LPGAT1: variants seen among roughly 807,000 people sequenced by gnomAD.
LPGAT1 encodes acyl-CoA:lysophosphatidylglycerol acyltransferase 1.
Under a neutral mutation model 47.5 loss-of-function variants are expected in LPGAT1, and 11 were observed. The ratio of observed to expected loss-of-function variants is 0.23; its 90% CI spans 0.15 to 0.38. The LOEUF is 0.38. LPGAT1 is among the 10% of genes least tolerant of loss of function. LPGAT1 has a pLI of 1.00. For missense variants in LPGAT1, 293 were observed against 439.0 expected (o/e 0.67, Z 2.97); for synonymous variants, 138 against 144.2 (o/e 0.96, Z 0.31).
chr1:211,791,819 C>A (rs1659131295), intron 3 of LPGAT1, among the ~76,000 whole-genome samples: 1 of 148,210 alleles, frequency 6.7e-6, no homozygotes, highest in South Asian at 2.1e-4. Flanking sequence ...TACCCTTCTT[C>A]TACCTGCCAC....
intron 2 of LPGAT1, among the ~76,000 whole-genome samples, chr1:211,807,271 T>TGCGCAACAAGGGCGAAACTC (rs1553312450): frequency 6.6e-6 from 1 of 151,804 alleles, no homozygotes; most frequent in Non-Finnish European, 1.5e-5. Context: ...TCAAAAAAGC[T>TGCGCAACAAGGGCGAAACTC]CAAAATGAAG....
Position 211,751,066 on chromosome 1 carries a change from T to G in LPGAT1, c.856A>C (p.Ile286Leu). The part of the protein sequence containing the change: ...KPTVTHVHYR[I>L]FPIKDVPLET... ...AGGGGTACATCTTTAATTGGAAAGA[T>G]CCTATTAAGGGTTAGAAGAAAAGAA... Residue 286 changes from isoleucine (I) to leucine (L), a missense_variant and splice_region_variant, in exon 7 of 8, where the codon ATC becomes CTC. By Grantham distance (5) the Ile-to-Leu change is conservative. Transcript: ENST00000366997. The G allele has an allele frequency of 6.3e-7, 1 of 1,598,014 alleles. No individual in the cohort carries two copies. Among genetic ancestry groups the G allele is most frequent in the Non-Finnish European group, 8.6e-7 (1 of 1,165,922 alleles).
At chr1:211,759,025 C>A (rs529326350) in intron 6 of LPGAT1, among the ~76,000 whole-genome samples, 2 of 152,252 alleles carry the variant, frequency 1.3e-5, no homozygotes, top group African/African-American at 2.4e-5. Flanking sequence ...TTTAAACCAA[C>A]CTTTCAATCC....
chr1:211,828,608 T>C (rs1232928616), intron 2 of LPGAT1, among the ~76,000 whole-genome samples: 1 of 152,214 alleles, frequency 6.6e-6, no homozygotes, highest in African/African-American at 2.4e-5. Flanking sequence ...CTCAAAAGGC[T>C]AACAGTACAA....
At chr1:211,755,798 A>T (rs1657420418) in intron 6 of LPGAT1, among the ~76,000 whole-genome samples, 1 of 152,186 alleles carries the variant, frequency 6.6e-6, no homozygotes, top group Non-Finnish European at 1.5e-5. Flanking sequence ...TTACACAGAA[A>T]ATAACTCTCC....
intron 3 of LPGAT1, among the ~76,000 whole-genome samples, chr1:211,791,633 G>C (rs879786250): frequency 6.6e-6 from 1 of 151,878 alleles, no homozygotes; most frequent in Admixed American, 6.6e-5. Context: ...CATAGTCCCA[G>C]CTGCTTGGGA....
intron 2 of LPGAT1, among the ~76,000 whole-genome samples, chr1:211,807,364 G>A (rs1469475278): frequency 2.6e-5 from 4 of 151,626 alleles, no homozygotes; most frequent in Non-Finnish European, 4.4e-5. Flanking sequence ...AATGTAACTC[G>A]AAGCCAGTCA....
In LPGAT1 at chr1:211,747,564, TAGG is replaced by T. The variant is rs1218442881; in HGVS notation, c.*2332_*2334del. ...ATGCATGTTCGCATTTATTTTTGGATAGGAGAACTGGTCACTCTACCCTGTGGC... is the reference window on the plus strand; with the variant it reads ...ATGCATGTTCGCATTTATTTTTGGATAGAACTGGTCACTCTACCCTGTGGC... On this transcript the variant is annotated 3_prime_UTR_variant, in exon 8 of 8. Coordinates refer to ENST00000366997, the MANE Select transcript of LPGAT1 (RefSeq NM_014873.3). 1 of 152,208 alleles carries T rather than the reference TAGG, an allele frequency of 6.6e-6. No individual in the cohort carries two copies. The highest frequency in any genetic ancestry group is 1.9e-4 in the East Asian group (1 of 5,200). 9.4% of individuals were successfully genotyped at this position (152,208 alleles called of 1,614,324 possible). A position where few individuals can be genotyped will look rare whatever the true frequency, so the allele number is the denominator to read the frequency against.
At chr1:211,816,465 A>G (rs1660179756) in intron 2 of LPGAT1, among the ~76,000 whole-genome samples, 2 of 152,174 alleles carry the variant, frequency 1.3e-5, no homozygotes, top group African/African-American at 4.8e-5. Context: ...ATAAAATCTA[A>G]TTAGTTAATA....
At position 211,793,172 on chromosome 1, in the gene LPGAT1, T is replaced by C. The variant is rs772281753; in HGVS notation, c.257A>G (p.Asp86Gly). 1.2e-6 allele frequency: 2 copies of C among 1,609,586 alleles called. No individual in the cohort carries two copies. Among genetic ancestry groups the C allele is most frequent in the South Asian group, 2.2e-5 (2 of 90,538 alleles). ...AGYTVMEWGE[D>G]IKAVSKDEAV... is the part of the protein sequence containing the mutation. The stretch of plus-strand genomic sequence containing the variant: ...TTCATCTTTTGAAACTGCTTTAATA[T>C]CTTCTCCCCATTCCATCACTGTAAG... Residue 86 changes from aspartate (D) to glycine (G), a missense_variant, in exon 3 of 8, where the codon GAT becomes GGT. Physicochemically the swap from Asp to Gly is moderately conservative, Grantham distance 94. Coordinates refer to ENST00000366997, the MANE Select transcript of LPGAT1 (RefSeq NM_014873.3).
chr1:211,772,270 C>A (rs944757124), intron 6 of LPGAT1, among the ~76,000 whole-genome samples: 18 of 152,214 alleles, frequency 1.2e-4, no homozygotes, highest in Admixed American at 2.0e-4. Flanking sequence ...CCTGAACTTT[C>A]TAATCTCTCC....
At chr1:211,760,299 C>A (rs555767869) in intron 6 of LPGAT1, among the ~76,000 whole-genome samples, 1 of 152,072 alleles carries the variant, frequency 6.6e-6, no homozygotes, top group South Asian at 2.1e-4. Flanking sequence ...ACTAAAAATA[C>A]AAAAAATTAG....
intron 2 of LPGAT1, among the ~76,000 whole-genome samples, chr1:211,821,761 T>C (rs2102604375): frequency 6.6e-6 from 1 of 152,258 alleles, no homozygotes; most frequent in Non-Finnish European, 1.5e-5. Context: ...AGAGAATGAA[T>C]GGTTACTATC....
At chr1:211,810,651 C>T (rs1238878323) in intron 2 of LPGAT1, among the ~76,000 whole-genome samples, 1 of 152,098 alleles carries the variant, frequency 6.6e-6, no homozygotes, top group Admixed American at 6.5e-5. Context: ...AAGAAGTTTG[C>T]TCACTTATTG....
intron 4 of LPGAT1, among the ~76,000 whole-genome samples, chr1:211,786,300 T>C (rs980506925): frequency 6.6e-6 from 1 of 152,230 alleles, no homozygotes. Context: ...AACTTAGAAG[T>C]TTCTCTACTC....
intron 4 of LPGAT1, among the ~76,000 whole-genome samples, chr1:211,785,948 T>TA (rs1179591968): frequency 1.3e-5 from 2 of 152,146 alleles, no homozygotes; most frequent in Non-Finnish European, 2.9e-5. Context: ...AATCAACTGT[T>TA]ACACTACACT....
In LPGAT1 at chr1:211,825,185, CTTCTTTTT is replaced by C. The variant is rs1660506109; in HGVS notation, c.238+3866_238+3873del. ...ATTTTTAAAGTATTTCATGCACAGT[CTTCTTTTT>C]TTTTTTTTTTTTTTTTTTTTTGAGA... is the stretch of plus-strand genomic sequence containing the variant. On this transcript the variant is annotated intron_variant, in intron 2 of 7. Coordinates refer to ENST00000366997, the MANE Select transcript of LPGAT1 (RefSeq NM_014873.3). 4.3e-5 allele frequency among the ~76,000 whole-genome samples: 4 copies of C among 93,888 alleles called. No individual in the cohort carries two copies. In the East Asian group the frequency reaches 1.3e-3, roughly 31 times the overall value. The allele number at this position is 93,888 out of a possible 152,430, so 61.6% of individuals were successfully genotyped here.
intron 2 of LPGAT1, among the ~76,000 whole-genome samples, chr1:211,807,894 G>C (rs1659820010): frequency 6.6e-6 from 1 of 151,894 alleles, no homozygotes. Context: ...AATGAACTGG[G>C]GAGTCTCTCT....
In LPGAT1 at chr1:211,744,374, C is replaced by T. The variant is rs1379806285; in HGVS notation, c.*5525G>A. ...TTAATGTTAAAGCTAAAAGTGGTTT[C>T]GGCTTAATGAGTCTAATATGTACCA... On this transcript the variant is annotated 3_prime_UTR_variant, in exon 8 of 8. Coordinates refer to ENST00000366997, the MANE Select transcript of LPGAT1 (RefSeq NM_014873.3). 1.3e-5 allele frequency: 2 copies of T among 152,224 alleles called. No individual in the cohort carries two copies. Among genetic ancestry groups the T allele is most frequent in the Middle Eastern group, 3.4e-3 (1 of 294 alleles). The allele number at this position is 152,224 out of a possible 1,614,324, so 9.4% of individuals were successfully genotyped here. A position where few individuals can be genotyped will look rare whatever the true frequency, so the allele number is the denominator to read the frequency against.
Sources: allele counts gnomAD v4.1 joint callset (sites outside exome capture counted in the v4.1 genomes callset), GRCh38; gene constraint gnomAD v4.1.1; transcripts MANE v1.5; gene names NCBI Gene and HGNC (gene_info 2026-07-23, HGNC 2026-07-21).